ARHGAP35: variants seen among roughly 807,000 people sequenced by gnomAD.
ARHGAP35 encodes the protein Rho GTPase activating protein 35.
ARHGAP35 carries 15 observed loss-of-function variants against 111.1 expected under a neutral mutation model. The observed-to-expected ratio is 0.13, with a 90% confidence interval of 0.09 to 0.21. The LOEUF (loss-of-function observed/expected upper bound fraction) is 0.21. Among genes scored for constraint, ARHGAP35 ranks in the 10% least tolerant of loss-of-function variants. The probability of loss-of-function intolerance (pLI) is 1.00; values close to 1 mark genes in which losing one functional copy is unlikely to be tolerated. For missense variants in ARHGAP35, 1,262 were observed against 1,873.0 expected, an observed-to-expected ratio of 0.67 and a Z score of 6.02; for synonymous variants, 643 against 710.3, an observed-to-expected ratio of 0.91 and a Z score of 1.51.
At chr19:46,976,679 G>A (rs530734355) in intron 3 of ARHGAP35, among the ~76,000 whole-genome samples, 2 of 152,338 alleles carry the variant, frequency 1.3e-5, no homozygotes, top group East Asian at 3.9e-4. Context: ...GGCCTGTCCT[G>A]CCATATTTGC....
At position 46,945,641 on chromosome 19, in the gene ARHGAP35, G is replaced by A. The variant is rs184446910; in HGVS notation, c.3826+8233G>A. 2.6e-3 allele frequency among the ~76,000 whole-genome samples: 392 copies of A among 152,220 alleles called. 1 individual carries two copies. Among genetic ancestry groups the A allele is most frequent in the Non-Finnish European group, 4.5e-3 (305 of 68,010 alleles). On this transcript the variant is annotated intron_variant, in intron 3 of 6. Transcript: ENST00000672722. The surrounding 1 kb of genome is among the most constrained non-coding windows in gnomAD (Gnocchi z 4.1). The stretch of plus-strand genomic sequence containing the variant: ...GTCGTCACACCTGCCCACCCGGGAC[G>A]GTCTCAGCGTTCTGGAGACAGAATC...
rs535286064 is a variant in ARHGAP35, at chr19:46,931,640, C to T, written c.3682-5624C>T. ...GTGTTTTTAAGCAAACTATGAGGTA[C>T]AAAGCAATGGACTATGTTGTTCATT... On this transcript the variant is annotated intron_variant, in intron 2 of 6. Transcript: ENST00000672722. Among the ~76,000 whole-genome samples, 6 of 152,250 alleles carry T rather than the reference C, an allele frequency of 3.9e-5. No homozygotes were observed. In the South Asian group the frequency reaches 1.2e-3, roughly 32 times the overall value.
chr19:46,978,718 G>A lies in ARHGAP35; in HGVS notation c.3827-9271G>A, dbSNP rs536233083. ...GTGTGGTGGGGCATGTGTGTGGTGG[G>A]ATGTGTGTGTGGTGGAGTCTGTGTG... On this transcript the variant is annotated intron_variant, in intron 3 of 6. Coordinates refer to ENST00000672722, the MANE Select transcript of ARHGAP35 (RefSeq NM_004491.5). Among the ~76,000 whole-genome samples, 189 of 132,998 alleles carry A rather than the reference G, an allele frequency of 1.4e-3. 1 individual carries two copies. Among genetic ancestry groups the A allele is most frequent in the Non-Finnish European group, 2.5e-3 (153 of 61,084 alleles). 87.3% of individuals were successfully genotyped at this position (132,998 alleles called of 152,430 possible).
At chr19:46,902,202 GCCA>G (rs1458709986) in intron 1 of ARHGAP35, among the ~76,000 whole-genome samples, 2 of 152,142 alleles carry the variant, frequency 1.3e-5, no homozygotes, top group Non-Finnish European at 1.5e-5. Flanking sequence ...GAATGTTTCT[GCCA>G]CCTGACATGT....
intron 3 of ARHGAP35, chr19:46,948,182 G>A (rs1352734423): frequency 6.6e-6 from 1 of 152,214 alleles, no homozygotes; most frequent in East Asian, 1.9e-4. Context: ...GGACAGGAGA[G>A]AGATTGTGTT....
intron 3 of ARHGAP35, among the ~76,000 whole-genome samples, chr19:46,940,033 G>A (rs1372512564): frequency 6.6e-6 from 1 of 151,338 alleles, no homozygotes; most frequent in African/African-American, 2.4e-5. Flanking sequence ...TCAAGAGATC[G>A]AGACCATCCT....
At position 46,985,364 on chromosome 19, in the gene ARHGAP35, C is replaced by T. The variant is rs531343194; in HGVS notation, c.3827-2625C>T. Among the ~76,000 whole-genome samples, 151 of 152,284 alleles carry T rather than the reference C, an allele frequency of 9.9e-4. 1 individual carries two copies. Among genetic ancestry groups the T allele is most frequent in the Non-Finnish European group, 8.2e-4 (56 of 68,032 alleles). On this transcript the variant is annotated intron_variant, in intron 3 of 6. Transcript: ENST00000672722. ...CAAGTGTGGTGCTGCTTCTGAGAAA[C>T]GGGGGTGCTGTGGTCTGTACCCCAG...
intron 5 of ARHGAP35, among the ~76,000 whole-genome samples, chr19:46,996,781 C>T (rs1182443790): frequency 6.6e-6 from 1 of 152,212 alleles, no homozygotes; most frequent in Non-Finnish European, 1.5e-5. Context: ...CTTCTGTCCT[C>T]CCTACAGCAG....
intron 3 of ARHGAP35, among the ~76,000 whole-genome samples, chr19:46,981,032 G>A (rs1371612550): frequency 2.0e-5 from 3 of 152,200 alleles, no homozygotes; most frequent in African/African-American, 7.2e-5. Flanking sequence ...TTGGGGGAGT[G>A]CCGCAGTGTG....
intron 3 of ARHGAP35, chr19:46,949,199 T>C (rs1174433049): frequency 1.3e-5 from 2 of 151,926 alleles, no homozygotes; most frequent in Non-Finnish European, 2.9e-5. Flanking sequence ...TTTAAATGGA[T>C]ACAGTTTACT....
intron 5 of ARHGAP35, among the ~76,000 whole-genome samples, chr19:46,998,458 C>T (rs1380372171): frequency 2.0e-5 from 3 of 152,216 alleles, no homozygotes; most frequent in African/African-American, 7.2e-5. Context: ...ACGTTTGTGC[C>T]TCACCAGCCC....
intron 1 of ARHGAP35, among the ~76,000 whole-genome samples, chr19:46,913,562 T>G (rs952625240): frequency 6.6e-6 from 1 of 152,180 alleles, no homozygotes; most frequent in African/African-American, 2.4e-5. Context: ...GGTGACAGTC[T>G]GAAGAAGGCA....
At chr19:46,979,327 G>A (rs569242446) in intron 3 of ARHGAP35, among the ~76,000 whole-genome samples, 1 of 152,238 alleles carries the variant, frequency 6.6e-6, no homozygotes, top group African/African-American at 2.4e-5. Flanking sequence ...GGCTCTCCCA[G>A]CTGCTCCTGG....
chr19:46,903,041 G>C (rs2056089548), intron 1 of ARHGAP35, among the ~76,000 whole-genome samples: 1 of 152,214 alleles, frequency 6.6e-6, no homozygotes, highest in Admixed American at 6.5e-5. Context: ...CGTGGTGTTA[G>C]AGATGGCAAA....
At position 46,926,007 on chromosome 19, in the gene ARHGAP35, G is replaced by C. The variant is rs1023729022; in HGVS notation, c.3681+3651G>C. On this transcript the variant is annotated intron_variant, in intron 2 of 6. Transcript: ENST00000672722. This position sits in a 1 kb window ranked among gnomAD's most constrained non-coding sequence, Gnocchi z 4.1. ...GTCTGGTCTAGCTGAGGGCTTGAGG[G>C]ACCAACATTATCCGTCCCGTCTTTT... is the stretch of plus-strand genomic sequence containing the variant. 1.3e-5 allele frequency among the ~76,000 whole-genome samples: 2 copies of C among 152,130 alleles called. No individual in the cohort carries two copies. Among genetic ancestry groups the C allele is most frequent in the African/African-American group, 4.8e-5 (2 of 41,400 alleles).
chr19:46,878,054 C>T (rs2055935532), intron 1 of ARHGAP35, among the ~76,000 whole-genome samples: 1 of 151,880 alleles, frequency 6.6e-6, no homozygotes, highest in Admixed American at 6.6e-5. Flanking sequence ...CAGAGTCTTC[C>T]TTTGTTGCCC....
At chr19:46,948,630 A>G (rs886099853) in intron 3 of ARHGAP35, 1 of 152,126 alleles carries the variant, frequency 6.6e-6, no homozygotes, top group African/African-American at 2.4e-5. Flanking sequence ...GGGATCTCAA[A>G]ATTATGCTTC....
chr19:46,950,055 C>G (rs979638238), intron 3 of ARHGAP35, among the ~76,000 whole-genome samples: 1 of 152,212 alleles, frequency 6.6e-6, no homozygotes, highest in South Asian at 2.1e-4. Context: ...CCAAAGGCCC[C>G]TCGTCATTTC....
At chr19:46,912,656 G>A (rs955278815) in intron 1 of ARHGAP35, among the ~76,000 whole-genome samples, 1 of 152,064 alleles carries the variant, frequency 6.6e-6, no homozygotes, top group Non-Finnish European at 1.5e-5. Context: ...GCTCCTGGTC[G>A]TGTTCTCTTC....
Sources: gnomAD v4.1 joint callset for allele counts (sites outside exome capture counted in the v4.1 genomes callset) on GRCh38, gnomAD v4.1.1 for gene constraint, Gnocchi (gnomAD v3.1) non-coding constraint, MANE v1.5 for transcripts, NCBI Gene and HGNC (gene_info 2026-07-23, HGNC 2026-07-21) for gene names.